RSPH3: variants seen among roughly 807,000 people sequenced by gnomAD.
RSPH3 encodes radial spoke head protein 3 homolog.
A neutral mutation model predicts 43.8 loss-of-function variants in RSPH3; 21 were observed. The observed-to-expected ratio is 0.48, with a 90% CI of 0.34 to 0.69. The LOEUF (loss-of-function observed/expected upper bound fraction) is 0.69, where lower values mean the gene tolerates loss of function less well. Ranked by LOEUF, RSPH3 falls within the 30% of genes least tolerant of loss-of-function variation. RSPH3 has a pLI of 0.01. For synonymous variants in RSPH3, 173 were observed against 179.8 expected, an observed-to-expected ratio of 0.96 and a Z score of 0.30; for missense variants, 487 against 516.0, an observed-to-expected ratio of 0.94 and a Z score of 0.54.
At chr6:158,995,347 G>A (rs1778554734) in intron 1 of RSPH3, among the ~76,000 whole-genome samples, 1 of 152,086 alleles carries the variant, frequency 6.6e-6, no homozygotes, top group African/African-American at 2.4e-5. Flanking sequence ...TACATAGTTG[G>A]CTTAAAATAA....
intron 5 of RSPH3, 75 bp downstream of exon 5, chr6:158,982,409 CA>C: frequency 2.3e-6 from 2 of 881,046 alleles, no homozygotes; most frequent in South Asian, 3.5e-5. Flanking sequence ...TATGATATAT[CA>C]TCACATGTAA....
rs1777746925 is a variant in RSPH3, at chr6:158,973,719, C to T, written c.*3819G>A. The T allele has an allele frequency of 6.6e-6, 1 of 152,058 alleles. No homozygotes were observed. Among genetic ancestry groups the T allele is most frequent in the South Asian group, 2.1e-4 (1 of 4,818 alleles). The allele number at this position is 152,058 out of a possible 1,614,324, so 9.4% of individuals were successfully genotyped here. ...TGACTTTGCAGGCCACGCTCATAGC[C>T]CTCAGATGGCTTAAATGTAATGATG... On this transcript the variant is annotated 3_prime_UTR_variant, in exon 8 of 8. Transcript: ENST00000367069.
At position 158,977,982 on chromosome 6, in the gene RSPH3, T is replaced by C. The variant is rs148921319; in HGVS notation, c.947-134A>G. Reference sequence around the variant, plus strand: ...CTCTTTCCTATGTCATAACCTTTTTTGGAAGTCAGCATACTTCACACTTAA... The same window carrying C: ...CTCTTTCCTATGTCATAACCTTTTTCGGAAGTCAGCATACTTCACACTTAA... On this transcript the variant is annotated intron_variant, in intron 7 of 7. Coordinates refer to ENST00000367069, the MANE Select transcript of RSPH3 (RefSeq NM_031924.8). 5.4e-6 allele frequency: 4 copies of C among 734,970 alleles called. No homozygotes were observed. The East Asian group carries it at 8.0e-5, about 15-fold the overall frequency. The allele number at this position is 734,970 out of a possible 1,614,324, so 45.5% of individuals were successfully genotyped here. A position where few individuals can be genotyped will look rare whatever the true frequency, so the allele number is the denominator to read the frequency against.
chr6:158,982,636 T>A lies in RSPH3; in HGVS notation c.545A>T (p.Lys182Met). Residue 182 changes from lysine (K) to methionine (M), a missense_variant, in exon 5 of 8, where the codon AAG (lysine) becomes ATG (methionine). Physicochemically the swap from Lys to Met is moderately conservative, Grantham distance 95 (BLOSUM62 -1). Coordinates refer to ENST00000367069, the MANE Select transcript of RSPH3 (RefSeq NM_031924.8). The part of the protein sequence containing the change: ...VKPVLEVLVG[K>M]TIEQSLLEVM... Reference sequence around the variant, plus strand: ...TTCCAGAAGAGACTGCTCAATTGTCTTCCCCACCAAAACTTCTAACACTGG... The same window carrying A: ...TTCCAGAAGAGACTGCTCAATTGTCATCCCCACCAAAACTTCTAACACTGG... 1 of 1,613,996 alleles carries A rather than the reference T, an allele frequency of 6.2e-7. No individual in the cohort carries two copies. Among genetic ancestry groups the A allele is most frequent in the Non-Finnish European group, 8.5e-7 (1 of 1,179,954 alleles).
downstream of RSPH3, among the ~76,000 whole-genome samples, chr6:158,970,628 C>T (rs1168232865): frequency 6.6e-6 from 1 of 151,940 alleles, no homozygotes; most frequent in Non-Finnish European, 1.5e-5. Flanking sequence ...TCACTGCAAC[C>T]TCCGCCTCCT....
chr6:158,999,763 C>G lies in RSPH3; in HGVS notation c.-213G>C. ...GGCTCGCTCCCAGCACCACAGAGAC[C>G]AGCTGCGGGGGCCGCATCGGTTGCC... On this transcript the variant is annotated 5_prime_UTR_variant, in exon 1 of 8. Transcript: ENST00000367069. The G allele has an allele frequency of 1.2e-6, 2 of 1,611,182 alleles. No homozygotes were observed. The highest frequency in any genetic ancestry group is 1.7e-6 in the Non-Finnish European group (2 of 1,177,964).
the RSPH3 span, among the ~76,000 whole-genome samples, chr6:158,966,151 T>C: frequency 1.4e-3 from 215 of 152,292 alleles, no homozygotes; most frequent in Non-Finnish European, 2.3e-3. Flanking sequence ...CATATTATAT[T>C]GATTGACTTT....
intron 3 of RSPH3, among the ~76,000 whole-genome samples, chr6:158,984,855 A>G (rs1778174635): frequency 6.6e-6 from 1 of 152,200 alleles, no homozygotes; most frequent in Non-Finnish European, 1.5e-5. Context: ...GGCTGCTATT[A>G]TATCACTTAA....
At chr6:158,982,336 G>C in intron 5 of RSPH3, 149 bp downstream of exon 5, 1 of 552,924 alleles carries the variant, frequency 1.8e-6, no homozygotes. Flanking sequence ...ATGATCTATA[G>C]GAGAGACTTG....
chr6:158,976,666 A>C lies in RSPH3; in HGVS notation c.*872T>G, dbSNP rs1396235995. On this transcript the variant is annotated 3_prime_UTR_variant, in exon 8 of 8. Transcript: ENST00000367069. ...CTTTTGCTTTATTGGCATTGCCTGA[A>C]ATTTTTTCATAGTAGGAATGTGAAA... The C allele has an allele frequency of 1.3e-5, 2 of 152,132 alleles. No individual in the cohort carries two copies. The highest frequency in any genetic ancestry group is 2.9e-5 in the Non-Finnish European group (2 of 68,008). The allele number at this position is 152,132 out of a possible 1,614,324, so 9.4% of individuals were successfully genotyped here.
At chr6:158,999,262 T>TGCATCCATGGA (rs1454359918) in intron 1 of RSPH3, among the ~76,000 whole-genome samples, 173 bp downstream of exon 1, 2,690 of 152,328 alleles carry the variant, frequency 0.018, 34 homozygotes, top group Middle Eastern at 0.024. Flanking sequence ...TGCCCCTTCC[T>TGCATCCATGGA]GCTTCACTCC....
chr6:158,982,116 T>C (rs1323249794), intron 5 of RSPH3, among the ~76,000 whole-genome samples: 1 of 152,170 alleles, frequency 6.6e-6, no homozygotes, highest in East Asian at 1.9e-4. Flanking sequence ...ACATTCACTT[T>C]TTCCTTCCTT....
rs371925841 is a variant in RSPH3, at chr6:158,999,774, G to T, written c.-224C>A. ...AGCACCACAGAGACCAGCTGCGGGG[G>T]CCGCATCGGTTGCCCAGCAACCCAG... On this transcript the variant is annotated 5_prime_UTR_variant, in exon 1 of 8. Transcript: ENST00000367069. 8.0e-5 allele frequency: 129 copies of T among 1,611,522 alleles called. 1 individual carries two copies. The South Asian group carries it at 1.4e-3, about 17-fold the overall frequency.
intron 3 of RSPH3, among the ~76,000 whole-genome samples, chr6:158,984,070 G>T (rs534095636): frequency 2.4e-4 from 36 of 152,052 alleles, no homozygotes; most frequent in African/African-American, 8.4e-4. Context: ...GGAGGTGGAG[G>T]TTGCAGTGAG....
intron 2 of RSPH3, among the ~76,000 whole-genome samples, chr6:158,991,938 C>T (rs1306733008): frequency 2.7e-5 from 4 of 146,690 alleles, no homozygotes; most frequent in African/African-American, 9.8e-5. Flanking sequence ...ACTCATACAA[C>T]CATTCTATTT....
intron 3 of RSPH3, among the ~76,000 whole-genome samples, chr6:158,985,819 T>TC (rs1436693708): frequency 6.6e-6 from 1 of 151,226 alleles, no homozygotes; most frequent in Non-Finnish European, 1.5e-5. Context: ...TCTCTCTCTT[T>TC]TTTTTTTTTT....
chr6:158,981,459 T>C (rs968574100), intron 5 of RSPH3, among the ~76,000 whole-genome samples: 1 of 152,216 alleles, frequency 6.6e-6, no homozygotes. Flanking sequence ...GGAGCATTAA[T>C]ACGTTTTCTA....
chr6:158,966,538 G>A, the RSPH3 span, among the ~76,000 whole-genome samples: 1 of 152,074 alleles, frequency 6.6e-6, no homozygotes, highest in Admixed American at 6.6e-5. Flanking sequence ...TTCTTTTTGA[G>A]TCAGTTTTGG....
In RSPH3 at chr6:158,983,690, T is replaced by C. The variant is rs1287587554; in HGVS notation, c.464A>G (p.Asp155Gly). 1 of 1,613,698 alleles carries C rather than the reference T, an allele frequency of 6.2e-7. No homozygotes were observed. The highest frequency in any genetic ancestry group is 2.2e-5 in the East Asian group (1 of 44,900). The change falls in exon 4 of 8, where the codon GAT becomes GGT. Residue 155 changes from aspartate to glycine, a missense_variant. Asp to Gly is a moderately conservative substitution (Grantham distance 94, BLOSUM62 -1). Coordinates refer to ENST00000367069, the MANE Select transcript of RSPH3 (RefSeq NM_031924.8). ...PLFIPAKTGK[D>G]VATQILEGEL... is the part of the protein sequence containing the mutation. Reference sequence around the variant, plus strand: ...TCCTTCTAGTATTTGGGTGGCCACATCTTTGCCAGTTTTGGCAGGAATAAA... The same window carrying C: ...TCCTTCTAGTATTTGGGTGGCCACACCTTTGCCAGTTTTGGCAGGAATAAA...
Sources: allele counts gnomAD v4.1 joint callset (sites outside exome capture counted in the v4.1 genomes callset), GRCh38; gene constraint gnomAD v4.1.1; transcripts MANE v1.5; gene names NCBI Gene and HGNC (gene_info 2026-07-23, HGNC 2026-07-21).